The following LINGO2 variants were observed in gnomAD, a reference collection of about 807,000 sequenced individuals.
The protein encoded by LINGO2 is leucine rich repeat and Ig domain containing 2, also known as leucine-rich repeat and immunoglobulin-like domain-containing nogo receptor-interacting protein 2.
Under a neutral mutation model 30.6 loss-of-function variants are expected in LINGO2, and 14 were observed. That is an observed-to-expected ratio of 0.46 (90% CI 0.30 to 0.72). The LOEUF (loss-of-function observed/expected upper bound fraction) is 0.72, where lower values mean the gene tolerates loss of function less well. Ranked by LOEUF, LINGO2 falls within the 30% of genes least tolerant of loss-of-function variation. The pLI is 0.07. For synonymous variants in LINGO2, 317 were observed against 288.5 expected, an observed-to-expected ratio of 1.10 and a Z score of -1.00; for missense variants, 729 against 751.7, an observed-to-expected ratio of 0.97 and a Z score of 0.35.
chr9:29,034,544 T>C, the LINGO2 span, among the ~76,000 whole-genome samples: 26 of 152,246 alleles, frequency 1.7e-4, no homozygotes, highest in East Asian at 3.7e-3. Flanking sequence ...TTATTCCTTT[T>C]TTGGAGAGGT....
intron 3 of LINGO2, among the ~76,000 whole-genome samples, chr9:28,347,297 A>C (rs547575875): frequency 5.9e-5 from 9 of 152,316 alleles, no homozygotes; most frequent in Admixed American, 5.9e-4. Context: ...AGGCCCTTGC[A>C]TTTGAGGAAA....
intron 1 of LINGO2, among the ~76,000 whole-genome samples, chr9:28,557,986 G>T (rs1822827985): frequency 7.5e-6 from 1 of 132,752 alleles, no homozygotes; most frequent in Non-Finnish European, 1.6e-5. Flanking sequence ...TCACACTCTG[G>T]GGACTGTGGT....
intron 5 of LINGO2, among the ~76,000 whole-genome samples, chr9:27,975,183 C>T (rs1396866190): frequency 6.6e-6 from 1 of 152,070 alleles, no homozygotes; most frequent in Admixed American, 6.6e-5. Context: ...GTCGAATCCA[C>T]ATTTTTTGGT....
chr9:28,859,893 A>G, the LINGO2 span, among the ~76,000 whole-genome samples: 19 of 152,026 alleles, frequency 1.2e-4, no homozygotes, highest in African/African-American at 4.6e-4. Context: ...TAAATATTTT[A>G]AAAGGATGCA....
the LINGO2 span, among the ~76,000 whole-genome samples, chr9:28,973,649 G>A: frequency 7.2e-5 from 11 of 152,150 alleles, no homozygotes; most frequent in Non-Finnish European, 1.3e-4. Flanking sequence ...GTGGAACTGT[G>A]AGTCAATTAA....
At chr9:28,486,522 C>T (rs1468747898) in intron 1 of LINGO2, among the ~76,000 whole-genome samples, 2 of 152,124 alleles carry the variant, frequency 1.3e-5, no homozygotes, top group Non-Finnish European at 2.9e-5. Flanking sequence ...AGAAAGTACA[C>T]ATACATACAT....
At chr9:29,085,309 A>AAAAAAAAG in the LINGO2 span, among the ~76,000 whole-genome samples, 1 of 147,522 alleles carries the variant, frequency 6.8e-6, no homozygotes, top group African/African-American at 2.5e-5. Context: ...AAAAAAAAAA[A>AAAAAAAAG]AAGAATAAAT....
At chr9:29,023,193 T>G in the LINGO2 span, among the ~76,000 whole-genome samples, 1 of 152,228 alleles carries the variant, frequency 6.6e-6, no homozygotes, top group Non-Finnish European at 1.5e-5. Context: ...GTCATGTTAT[T>G]TAATCTGAAA....
the LINGO2 span, among the ~76,000 whole-genome samples, chr9:29,152,079 A>G: frequency 2.0e-5 from 3 of 152,286 alleles, no homozygotes; most frequent in East Asian, 5.8e-4. Context: ...AACATTATTA[A>G]TCATCAGAGA....
chr9:28,355,596 G>C (rs115595625), intron 3 of LINGO2, among the ~76,000 whole-genome samples: 269 of 152,038 alleles, frequency 1.8e-3, no homozygotes, highest in African/African-American at 6.1e-3. Context: ...ATAATATATG[G>C]ATCCTTTCTC....
At chr9:28,141,951 G>A (rs556296236) in intron 4 of LINGO2, among the ~76,000 whole-genome samples, 7 of 152,240 alleles carry the variant, frequency 4.6e-5, no homozygotes, top group Middle Eastern at 3.4e-3. Flanking sequence ...TTAACTAAAT[G>A]GAACTCATGT....
intron 4 of LINGO2, among the ~76,000 whole-genome samples, chr9:28,034,421 T>C (rs1823833402): frequency 6.6e-6 from 1 of 152,216 alleles, no homozygotes; most frequent in African/African-American, 2.4e-5. Flanking sequence ...TTCCAAAATG[T>C]GTATATTCCA....
At chr9:28,770,063 T>C in the LINGO2 span, among the ~76,000 whole-genome samples, 1 of 152,132 alleles carries the variant, frequency 6.6e-6, no homozygotes, top group Non-Finnish European at 1.5e-5. Flanking sequence ...AGACAGTTTT[T>C]CCCCTTTGAC....
At chr9:28,679,640 C>T in the LINGO2 span, among the ~76,000 whole-genome samples, 4 of 151,848 alleles carry the variant, frequency 2.6e-5, no homozygotes, top group South Asian at 2.1e-4. Flanking sequence ...CTCACATATA[C>T]AAATAATAGT....
intron 4 of LINGO2, among the ~76,000 whole-genome samples, chr9:28,226,442 T>C (rs576861434): frequency 1.1e-4 from 16 of 152,144 alleles, no homozygotes; most frequent in African/African-American, 2.9e-4. Context: ...GTCTGCTATA[T>C]TAATTATCAT....
At chr9:28,784,676 G>A in the LINGO2 span, among the ~76,000 whole-genome samples, 12 of 152,058 alleles carry the variant, frequency 7.9e-5, no homozygotes, top group African/African-American at 2.7e-4. Context: ...ATTGCAGGTC[G>A]GGCGCGGTGG....
chr9:27,972,114 C>A (rs10968239), intron 5 of LINGO2, among the ~76,000 whole-genome samples: 29 of 151,866 alleles, frequency 1.9e-4, no homozygotes, highest in African/African-American at 7.0e-4. Flanking sequence ...AATTAAAAAA[C>A]GAAAGAGAAA....
chr9:28,970,500 T>C, the LINGO2 span, among the ~76,000 whole-genome samples: 11 of 152,124 alleles, frequency 7.2e-5, no homozygotes, highest in South Asian at 2.3e-3. Flanking sequence ...AGAAAAAATC[T>C]CGAATCGCTA....
the LINGO2 span, among the ~76,000 whole-genome samples, chr9:28,788,762 G>A: frequency 2.0e-5 from 3 of 152,124 alleles, no homozygotes; most frequent in African/African-American, 7.2e-5. Flanking sequence ...CACGAGAACA[G>A]CATGGGAGAA....
Sources: allele counts gnomAD v4.1 joint callset (sites outside exome capture counted in the v4.1 genomes callset), GRCh38; gene constraint gnomAD v4.1.1; transcripts MANE v1.5; gene names NCBI Gene and HGNC (gene_info 2026-07-23, HGNC 2026-07-21).